The following RPUSD3 variants were observed in gnomAD, a reference collection of about 807,000 sequenced individuals.
The protein encoded by RPUSD3 is RNA pseudouridine synthase D3.
RPUSD3 carries 36 observed loss-of-function variants against 35.1 expected under a neutral mutation model. The ratio of observed to expected loss-of-function variants is 1.02; its 90% CI spans 0.79 to 1.35. The LOEUF is 1.35. RPUSD3 is among the 40% of genes most tolerant of loss of function. RPUSD3 has a pLI of 0.00. For synonymous variants in RPUSD3, 202 were observed against 187.8 expected (o/e 1.08, Z -0.62); for missense variants, 486 against 441.9 (o/e 1.10, Z -0.89).
chr3:9,838,474 G>GT (rs2082057031), intron 8 of RPUSD3, among the ~76,000 whole-genome samples: 1 of 152,136 alleles, frequency 6.6e-6, no homozygotes, highest in South Asian at 2.1e-4. Flanking sequence ...TTGGTGAGAC[G>GT]TGAGTGAGCT....
chr3:9,838,079 G>A, exon 9 of RPUSD3: 6 of 1,611,326 alleles, frequency 3.7e-6, no homozygotes, highest in Non-Finnish European at 5.1e-6. Flanking sequence ...GTGGTGCCAG[G>A]AGCTCAACAG....
exon 1 of RPUSD3, chr3:9,843,992 T>G (rs745835935): frequency 7.5e-6 from 12 of 1,595,138 alleles, no homozygotes; most frequent in Admixed American, 1.7e-5. Context: ...GCCGTCCATC[T>G]CCCGAGCCAG....
At chr3:9,840,778 G>A in exon 5 of RPUSD3, 1 of 1,613,984 alleles carries the variant, frequency 6.2e-7, no homozygotes, top group Non-Finnish European at 8.5e-7. Flanking sequence ...GGGGACAGCT[G>A]GAGAGGAGTA....
exon 4 of RPUSD3, chr3:9,842,015 C>T (rs2082111449): frequency 6.2e-7 from 1 of 1,613,910 alleles, no homozygotes; most frequent in African/African-American, 1.3e-5. Context: ...GAAGCTCCTG[C>T]TCCCTGAGCC....
exon 5 of RPUSD3, chr3:9,840,739 G>C (rs749153745): frequency 1.9e-6 from 3 of 1,614,198 alleles, no homozygotes; most frequent in Admixed American, 1.7e-5. Context: ...GTGCATGGGT[G>C]AAGTACTTCT....
chr3:9,838,715 G>C (rs1335620015), intron 8 of RPUSD3, among the ~76,000 whole-genome samples: 2 of 152,208 alleles, frequency 1.3e-5, no homozygotes, highest in African/African-American at 2.4e-5. Flanking sequence ...TGTTAGAGCA[G>C]GTAGAGGCAT....
At chr3:9,841,910 AT>A in intron 4 of RPUSD3, 72 bp downstream of exon 4, 1 of 1,226,420 alleles carries the variant, frequency 8.2e-7, no homozygotes, top group Non-Finnish European at 1.2e-6. Flanking sequence ...GTCTCAGCTT[AT>A]CCCCAAGCAG....
chr3:9,842,178 T>G (rs2082114206), intron 3 of RPUSD3, 21 bp downstream of exon 3: 1 of 1,613,910 alleles, frequency 6.2e-7, no homozygotes, highest in African/African-American at 1.3e-5. Context: ...TGCATTCCCT[T>G]CCCACATCCC....
chr3:9,843,332 G>A (rs1282025074), intron 2 of RPUSD3, 133 bp downstream of exon 2: 2 of 1,323,596 alleles, frequency 1.5e-6, no homozygotes, highest in African/African-American at 1.5e-5. Context: ...TGCAAATTAG[G>A]TGGCTTGTCC....
At chr3:9,838,937 T>C (rs780470536) in intron 8 of RPUSD3, 95 bp downstream of exon 8, 104 of 1,566,484 alleles carry the variant, frequency 6.6e-5, no homozygotes, top group Non-Finnish European at 8.5e-5. Flanking sequence ...TGCCTCCCAG[T>C]AGTCCCAAGC....
chr3:9,840,357 T>C (rs1322005769), intron 6 of RPUSD3, 50 bp from the exon 7 acceptor site: 1 of 1,613,714 alleles, frequency 6.2e-7, no homozygotes, highest in Non-Finnish European at 8.5e-7. Flanking sequence ...CTGGGAGCTA[T>C]ACCCAGACCC....
chr3:9,841,003 C>A, intron 4 of RPUSD3, 198 bp from the exon 5 acceptor site: 1 of 421,008 alleles, frequency 2.4e-6, no homozygotes, highest in Non-Finnish European at 4.2e-6. Flanking sequence ...CTCATTTTGC[C>A]CCGGCCCCCA....
chr3:9,842,361 G>A lies in RPUSD3; in HGVS notation c.263-118C>T, dbSNP rs551653734. ...GCACATGTCCCCATCATGACTCTCAGACATGAGTTAACTACCCCACACCAA... is the reference window on the plus strand; with the variant it reads ...GCACATGTCCCCATCATGACTCTCAAACATGAGTTAACTACCCCACACCAA... On this transcript the variant is annotated intron_variant, in intron 2 of 8. Coordinates refer to ENST00000383820, the Ensembl canonical transcript of RPUSD3. 780 of 1,001,754 alleles carry A rather than the reference G, an allele frequency of 7.8e-4. 3 individuals carry two copies. The highest frequency in any genetic ancestry group is 7.8e-5 in the Non-Finnish European group (49 of 626,926). The allele number at this position is 1,001,754 out of a possible 1,614,324, so 62.1% of individuals were successfully genotyped here.
chr3:9,843,342 C>G (rs2082130342), intron 2 of RPUSD3, 123 bp downstream of exon 2: 1 of 1,446,974 alleles, frequency 6.9e-7, no homozygotes, highest in African/African-American at 1.4e-5. Context: ...GTGGCTTGTC[C>G]CAGCTCATGC....
At position 9,838,136 on chromosome 3, in the gene RPUSD3, G is replaced by T. The variant is rs141037725; in HGVS notation, c.936C>A (p.Leu312=). The change falls in exon 9 of 9, where the codon CTC becomes CTA. Residue 312 remains leucine (L), a synonymous_variant. Coordinates refer to ENST00000383820, the Ensembl canonical transcript of RPUSD3. ...CTGGGAGAAGGAGCCGATGTAGGTG[G>T]AGGTGCAAGGGCAGCTGGGCAGCCT... is the stretch of plus-strand genomic sequence containing the variant. 3.6e-5 allele frequency: 58 copies of T among 1,612,496 alleles called. No individual in the cohort carries two copies. In the African/African-American group the frequency reaches 6.5e-4, roughly 18 times the overall value.
intron 5 of RPUSD3, 28 bp downstream of exon 5, chr3:9,840,670 A>G (rs767467333): frequency 3.7e-6 from 6 of 1,611,780 alleles, no homozygotes; most frequent in Non-Finnish European, 5.1e-6. Flanking sequence ...CCTCCCCACC[A>G]CTCTAGGAAC....
At chr3:9,838,947 C>G (rs1296017384) in intron 8 of RPUSD3, 85 bp downstream of exon 8, 9 of 1,593,402 alleles carry the variant, frequency 5.6e-6, no homozygotes, top group Non-Finnish European at 7.7e-6. Context: ...TAGTCCCAAG[C>G]TGCACAGATA....
Position 9,841,972 on chromosome 3 carries a change from C to G in RPUSD3, c.407+11G>C. The G allele has an allele frequency of 6.2e-7, 1 of 1,612,666 alleles. No individual in the cohort carries two copies. The highest frequency in any genetic ancestry group is 8.5e-7 in the Non-Finnish European group (1 of 1,178,772). The stretch of plus-strand genomic sequence containing the variant: ...CTGTACTCCTAGCTTCCTGTCACCC[C>G]TACCACTTACTTCCCAGATGCTCGG... On this transcript the variant is annotated intron_variant, in intron 4 of 8. Coordinates refer to ENST00000383820, the Ensembl canonical transcript of RPUSD3.
exon 9 of RPUSD3, chr3:9,837,941 C>A (rs964472289): frequency 6.9e-7 from 1 of 1,458,830 alleles, no homozygotes; most frequent in Non-Finnish European, 9.1e-7. Flanking sequence ...AGGATGTGAT[C>A]TTAGGTTTGT....
Sources: allele counts gnomAD v4.1 joint callset (sites outside exome capture counted in the v4.1 genomes callset), GRCh38; gene constraint gnomAD v4.1.1; transcripts MANE v1.5; gene names NCBI Gene and HGNC (gene_info 2026-07-23, HGNC 2026-07-21).